Variants in ALK observed in about 807,000 individuals in gnomAD.
The protein encoded by ALK is ALK tyrosine kinase receptor.
Under a neutral mutation model 163.1 loss-of-function variants are expected in ALK, and 74 were observed. The ratio of observed to expected loss-of-function variants is 0.45; its 90% CI spans 0.38 to 0.55. ALK has a LOEUF of 0.55. ALK is among the 20% of genes least tolerant of loss of function. ALK has a pLI of 0.00. For synonymous variants in ALK, 960 were observed against 843.2 expected (o/e 1.14, Z -2.40); for missense variants, 2,063 against 2,105.3 (o/e 0.98, Z 0.39).
At chr2:29,580,658 G>A (rs779995094) in intron 3 of ALK, among the ~76,000 whole-genome samples, 9 of 152,238 alleles carry the variant, frequency 5.9e-5, no homozygotes, top group Admixed American at 1.3e-4. Flanking sequence ...TCATGTAGGT[G>A]CAAGGGCTGT....
rs112933553 is a variant in ALK at position 29,876,424 on chromosome 2, G to A, written c.667+43569C>T. ...ATGGTGGTGATGGTGATGTGGTGTG[G>A]TGATGGTGATGGTAGTGGTGAGGAT... On this transcript the variant is annotated intron_variant, in intron 1 of 28. Transcript: ENST00000389048. 4.1e-3 allele frequency among the ~76,000 whole-genome samples: 610 copies of A among 148,100 alleles called. 7 individuals are homozygous for A. The highest frequency in any genetic ancestry group is 0.014 in the African/African-American group (575 of 40,080).
chr2:29,821,403 CG>C (rs1236888004), intron 1 of ALK, among the ~76,000 whole-genome samples: 8 of 152,098 alleles, frequency 5.3e-5, no homozygotes, highest in African/African-American at 1.9e-4. Context: ...AAGACTTTCT[CG>C]GGGAAGGGGA....
chr2:29,554,244 GA>G (rs1249501103), intron 3 of ALK, among the ~76,000 whole-genome samples: 6 of 152,072 alleles, frequency 3.9e-5, no homozygotes, highest in Non-Finnish European at 8.8e-5. Flanking sequence ...TAAGTGGGGG[GA>G]AAAAGGGAAA....
intron 1 of ALK, among the ~76,000 whole-genome samples, chr2:29,830,720 A>T (rs1665348139): frequency 4.4e-5 from 1 of 22,608 alleles, no homozygotes; most frequent in Non-Finnish European, 9.1e-5. Flanking sequence ...GTTTAAAAAA[A>T]AAAAAAAAAA....
rs376604564 is a variant in ALK at position 29,383,858 on chromosome 2, A to T, written c.1156T>A (p.Trp386Arg). ...LLMPTPGKHG[W>R]TVLQGRIGRP... ...CCGATTCTTCCCTGGAGCACTGTCC[A>T]ACTGGTTGCATTGGAAAACAGAGGA... The change falls in exon 5 of 29, where the codon TGG (tryptophan) becomes AGG (arginine). Residue 386 changes from tryptophan to arginine, a missense_variant and splice_region_variant. Around this residue, in one of 5 missense-constraint regions of ALK, gnomAD observed 987 missense variants for 939.5 expected, o/e 1.05. Coordinates refer to ENST00000389048, the MANE Select transcript of ALK (RefSeq NM_004304.5). 2 of 1,614,056 alleles carry T rather than the reference A, an allele frequency of 1.2e-6. No individual in the cohort carries two copies. Among genetic ancestry groups the T allele is most frequent in the Non-Finnish European group, 1.7e-6 (2 of 1,179,968 alleles).
chr2:29,671,485 C>A (rs1211283752), intron 3 of ALK, among the ~76,000 whole-genome samples: 1 of 152,052 alleles, frequency 6.6e-6, no homozygotes, highest in Non-Finnish European at 1.5e-5. Flanking sequence ...TCCCTTTAGA[C>A]AATCACAATG....
rs372433076 is a variant in ALK at position 29,296,839 on chromosome 2, T to C, written c.1817+49A>G. On this transcript the variant is annotated intron_variant, in intron 9 of 28. Transcript: ENST00000389048. Reference sequence around the variant, plus strand: ...AAGGGAAGGCATGATTTCTTTTTCATTTTAGCTGATAGAGGAGAAGGGTAT... The same window carrying C: ...AAGGGAAGGCATGATTTCTTTTTCACTTTAGCTGATAGAGGAGAAGGGTAT... The C allele has an allele frequency of 3.0e-5, 48 of 1,612,402 alleles. No individual in the cohort carries two copies. In the African/African-American group the frequency reaches 5.5e-4, roughly 18 times the overall value.
At chr2:29,637,734 G>A (rs1033682690) in intron 3 of ALK, among the ~76,000 whole-genome samples, 1 of 123,218 alleles carries the variant, frequency 8.1e-6, no homozygotes, top group Non-Finnish European at 1.6e-5. Context: ...AGGACTCTTT[G>A]TGGTGCTGGG....
chr2:29,288,470 C>G (rs74624657), intron 9 of ALK, among the ~76,000 whole-genome samples: 8,116 of 152,272 alleles, frequency 0.053, 281 homozygotes, highest in Non-Finnish European at 0.075. Flanking sequence ...CCTGCAGGTA[C>G]AGGCTGACCT....
chr2:29,626,970 C>A (rs753330600), intron 3 of ALK, among the ~76,000 whole-genome samples: 1 of 152,100 alleles, frequency 6.6e-6, no homozygotes, highest in Non-Finnish European at 1.5e-5. Flanking sequence ...AAAGCCGGGG[C>A]TCCTCCAAAC....
chr2:29,887,746 A>G (rs1667021329), intron 1 of ALK, among the ~76,000 whole-genome samples: 1 of 152,192 alleles, frequency 6.6e-6, no homozygotes. Flanking sequence ...TGACAAGCCC[A>G]TTATGTTGTA....
intron 4 of ALK, among the ~76,000 whole-genome samples, chr2:29,387,214 C>T (rs1438939032): frequency 6.6e-6 from 1 of 152,166 alleles, no homozygotes; most frequent in Non-Finnish European, 1.5e-5. Context: ...CTGGAGCTCT[C>T]CGGTTCCAGT....
At chr2:29,475,542 G>A (rs67420448) in intron 4 of ALK, among the ~76,000 whole-genome samples, 24,607 of 152,030 alleles carry the variant, frequency 0.16, 2,203 homozygotes, top group East Asian at 0.33. Flanking sequence ...CGCCGGACGA[G>A]GCTGCATCTC....
At position 29,659,990 on chromosome 2, in the gene ALK, T is replaced by G. The variant is rs115268819; in HGVS notation, c.952+34860A>C. On this transcript the variant is annotated intron_variant, in intron 3 of 28. Coordinates refer to ENST00000389048, the MANE Select transcript of ALK (RefSeq NM_004304.5). ...TATCCAGTTTTTAATTATTATTAGC[T>G]AGACTCCATCTTTTAAAAAGTGATA... Among the ~76,000 whole-genome samples the G allele has an allele frequency of 7.2e-3, 1,101 of 152,288 alleles. 14 individuals are homozygous for G. The highest frequency in any genetic ancestry group is 0.026 in the African/African-American group (1,066 of 41,564).
chr2:29,722,306 C>T (rs1460997954), intron 1 of ALK, among the ~76,000 whole-genome samples: 1 of 152,168 alleles, frequency 6.6e-6, no homozygotes, highest in African/African-American at 2.4e-5. Flanking sequence ...GACACCAGAC[C>T]CTTCCTGTAC....
At chr2:29,395,176 C>G (rs1191540376) in intron 4 of ALK, among the ~76,000 whole-genome samples, 1 of 152,176 alleles carries the variant, frequency 6.6e-6, no homozygotes, top group Admixed American at 6.5e-5. Context: ...GGTTCAAATG[C>G]GAATGCAAGC....
chr2:29,891,918 G>A (rs1054316649), intron 1 of ALK, among the ~76,000 whole-genome samples: 1 of 152,168 alleles, frequency 6.6e-6, no homozygotes, highest in African/African-American at 2.4e-5. Context: ...CTCATTCTCT[G>A]ACCACATGTC....
intron 1 of ALK, among the ~76,000 whole-genome samples, chr2:29,853,751 C>A (rs1257857717): frequency 6.6e-6 from 1 of 152,098 alleles, no homozygotes; most frequent in African/African-American, 2.4e-5. Flanking sequence ...CCTTGCTGGG[C>A]TCCCCAGCCT....
chr2:29,591,410 T>A (rs868101318), intron 3 of ALK, among the ~76,000 whole-genome samples: 14 of 152,106 alleles, frequency 9.2e-5, no homozygotes, highest in African/African-American at 3.1e-4. Flanking sequence ...GCCAGGATGG[T>A]AAACAAGGGA....
Sources: gnomAD v4.1 joint callset for allele counts (sites outside exome capture counted in the v4.1 genomes callset) on GRCh38, gnomAD v4.1.1 for gene constraint, gnomAD v4.1.1 regional missense constraint, MANE v1.5 for transcripts, NCBI Gene and HGNC (gene_info 2026-07-23, HGNC 2026-07-21) for gene names.